Variants in PTPRO observed in about 807,000 individuals in gnomAD.
PTPRO encodes the protein receptor-type tyrosine-protein phosphatase O.
PTPRO carries 62 observed loss-of-function variants against 145.2 expected under a neutral mutation model. The ratio of observed to expected loss-of-function variants is 0.43; its 90% CI spans 0.35 to 0.53. The LOEUF (loss-of-function observed/expected upper bound fraction) is 0.53. Ranked by LOEUF, PTPRO falls within the 20% of genes least tolerant of loss-of-function variation. The pLI, the probability that PTPRO is intolerant of heterozygous loss-of-function variation, is 0.01. For missense variants in PTPRO, 1,345 were observed against 1,482.7 expected (o/e 0.91, Z 1.53); for synonymous variants, 565 against 514.7 (o/e 1.10, Z -1.32).
chr12:15,581,675 C>G lies in PTPRO; in HGVS notation c.3133-4C>G, dbSNP rs746300400. The G allele has an allele frequency of 6.2e-6, 10 of 1,613,864 alleles. No individual in the cohort carries two copies. The highest frequency in any genetic ancestry group is 2.2e-5 in the East Asian group (1 of 44,850). The stretch of plus-strand genomic sequence containing the variant: ...TTTAAAAAATTGTTTTGTCCTTGCT[C>G]CAGGTGAAATGTGACCATTACTGGC... On this transcript the variant is annotated splice_region_variant and splice_polypyrimidine_tract_variant and intron_variant, in intron 22 of 26. Coordinates refer to ENST00000281171, the MANE Select transcript of PTPRO (RefSeq NM_030667.3).
chr12:15,569,552 G>T (rs2135605713), intron 19 of PTPRO, 54 bp downstream of exon 19: 1 of 1,490,380 alleles, frequency 6.7e-7, no homozygotes, highest in Non-Finnish European at 9.4e-7. Context: ...CCTGGGAATT[G>T]GGGGGTTTGT....
chr12:15,347,864 CAAAT>C (rs1268752649), intron 1 of PTPRO, among the ~76,000 whole-genome samples: 1 of 152,102 alleles, frequency 6.6e-6, no homozygotes, highest in African/African-American at 2.4e-5. Context: ...AAAGTTATGA[CAAAT>C]AAATCAGATG....
At chr12:15,556,655 AT>A (rs1254031253) in intron 15 of PTPRO, among the ~76,000 whole-genome samples, 4 of 152,174 alleles carry the variant, frequency 2.6e-5, no homozygotes, top group African/African-American at 9.7e-5. Flanking sequence ...GCATCACAAT[AT>A]AAGAGAAAGA....
intron 23 of PTPRO, among the ~76,000 whole-genome samples, chr12:15,585,023 C>T (rs1267061271): frequency 6.6e-6 from 1 of 152,176 alleles, no homozygotes; most frequent in Non-Finnish European, 1.5e-5. Flanking sequence ...GGACTTTGTG[C>T]CCTGCTATTC....
At chr12:15,354,701 G>C (rs1045574699) in intron 1 of PTPRO, among the ~76,000 whole-genome samples, 1 of 152,118 alleles carries the variant, frequency 6.6e-6, no homozygotes, top group Non-Finnish European at 1.5e-5. Context: ...AAAAAGGTTT[G>C]TTATATGGTA....
chr12:15,546,364 G>T, intron 12 of PTPRO: 2 of 1,406,702 alleles, frequency 1.4e-6, no homozygotes, highest in Non-Finnish European at 9.2e-7. Flanking sequence ...GTAAAAAAAT[G>T]GAAGGGGGAA....
chr12:15,438,486 C>G (rs954947247), intron 1 of PTPRO, among the ~76,000 whole-genome samples: 2 of 151,790 alleles, frequency 1.3e-5, no homozygotes, highest in African/African-American at 4.8e-5. Context: ...AGGAAATGAA[C>G]AAAAAGATAA....
chr12:15,524,351 C>T (rs1942792837), intron 10 of PTPRO, among the ~76,000 whole-genome samples: 1 of 152,084 alleles, frequency 6.6e-6, no homozygotes. Context: ...TCTTCCTACC[C>T]TTGTATCCTA....
chr12:15,553,580 A>C (rs540974881), intron 15 of PTPRO, among the ~76,000 whole-genome samples: 5 of 152,320 alleles, frequency 3.3e-5, no homozygotes, highest in African/African-American at 1.2e-4. Context: ...CAAGAGTAGA[A>C]GGAGATGTCA....
At chr12:15,351,969 G>A (rs1937817337) in intron 1 of PTPRO, among the ~76,000 whole-genome samples, 1 of 152,144 alleles carries the variant, frequency 6.6e-6, no homozygotes, top group African/African-American at 2.4e-5. Flanking sequence ...CAAGAAGATA[G>A]GCAGGAAGAT....
intron 1 of PTPRO, among the ~76,000 whole-genome samples, chr12:15,424,913 T>C (rs1353770956): frequency 1.3e-5 from 2 of 152,138 alleles, no homozygotes; most frequent in Non-Finnish European, 2.9e-5. Flanking sequence ...CCATCTCATC[T>C]GGGAGAAAGA....
At chr12:15,432,231 C>T (rs2136343034) in intron 1 of PTPRO, among the ~76,000 whole-genome samples, 1 of 152,284 alleles carries the variant, frequency 6.6e-6, no homozygotes, top group Middle Eastern at 3.4e-3. Flanking sequence ...TTAGCCCCCA[C>T]TTGTAAGTGA....
intron 2 of PTPRO, among the ~76,000 whole-genome samples, chr12:15,492,130 A>G (rs1222551959): frequency 6.6e-6 from 1 of 152,148 alleles, no homozygotes; most frequent in Non-Finnish European, 1.5e-5. Context: ...CTTGCTGTAG[A>G]CTGGGTGCTT....
intron 14 of PTPRO, 97 bp downstream of exon 14, chr12:15,549,323 C>T (rs1398431128): frequency 2.9e-5 from 30 of 1,046,588 alleles, no homozygotes; most frequent in Admixed American, 7.4e-5. Context: ...TCCCAAGCTT[C>T]GGAGTCAGAG....
intron 1 of PTPRO, among the ~76,000 whole-genome samples, chr12:15,403,638 C>T (rs1228853540): frequency 6.6e-6 from 1 of 152,124 alleles, no homozygotes; most frequent in Non-Finnish European, 1.5e-5. Flanking sequence ...TTAATTATCC[C>T]CTGTTTGGTG....
At chr12:15,491,205 G>A (rs1941992651) in intron 2 of PTPRO, among the ~76,000 whole-genome samples, 1 of 152,174 alleles carries the variant, frequency 6.6e-6, no homozygotes, top group Non-Finnish European at 1.5e-5. Context: ...TCTAATCCCA[G>A]ATCCTCTCCC....
chr12:15,581,924 A>T, intron 23 of PTPRO, 123 bp downstream of exon 23: 1 of 1,300,256 alleles, frequency 7.7e-7, no homozygotes, highest in African/African-American at 1.5e-5. Flanking sequence ...AAAAATATCG[A>T]GTGTGGAGTG....
At position 15,594,990 on chromosome 12, in the gene PTPRO, G is replaced by T; in HGVS notation, c.3600G>T (p.Lys1200Asn). Residue 1200 changes from lysine to asparagine, a missense_variant, in exon 26 of 27, where the codon AAG becomes AAT. Physicochemically the swap from Lys to Asn is moderately conservative, Grantham distance 94. This residue lies in a region of PTPRO where 208 missense variants were observed against 242.8 expected (regional missense o/e 0.86). Coordinates refer to ENST00000281171, the MANE Select transcript of PTPRO (RefSeq NM_030667.3). ...QCVQLMWMKKKQQFCISDVIY... is the reference protein window; with the variant it reads ...QCVQLMWMKKNQQFCISDVIY... Reference sequence around the variant, plus strand: ...TGCAACTGATGTGGATGAAGAAGAAGCAGCAGTTCTGCATCAGTGATGTCA... The same window carrying T: ...TGCAACTGATGTGGATGAAGAAGAATCAGCAGTTCTGCATCAGTGATGTCA... 1.2e-6 allele frequency: 2 copies of T among 1,613,920 alleles called. No individual in the cohort carries two copies. Among genetic ancestry groups the T allele is most frequent in the Non-Finnish European group, 1.7e-6 (2 of 1,179,880 alleles).
Position 15,516,772 on chromosome 12 carries a change from G to T in PTPRO, c.1595G>T (p.Gly532Val). ...GCCCTCTTCTTTCTAGTTCCCACAG[G>T]AATAAAGGATTTAATGCTCTATCCT... ...DPVTFAIVPTGIKDLMLYPLG... is the reference protein window; with the variant it reads ...DPVTFAIVPTVIKDLMLYPLG... Residue 532 changes from glycine (G) to valine (V), a missense_variant, in exon 9 of 27, where the codon GGA (glycine) becomes GTA (valine). This residue lies in a region of PTPRO where 1,130 missense variants were observed against 1,214.7 expected (regional missense o/e 0.93). Transcript: ENST00000281171. The T allele has an allele frequency of 6.2e-7, 1 of 1,607,442 alleles. No individual in the cohort carries two copies. The highest frequency in any genetic ancestry group is 8.5e-7 in the Non-Finnish European group (1 of 1,173,942).
Sources: allele counts gnomAD v4.1 joint callset (sites outside exome capture counted in the v4.1 genomes callset), GRCh38; gene constraint gnomAD v4.1.1; regional missense constraint gnomAD v4.1.1; transcripts MANE v1.5; gene names NCBI Gene and HGNC (gene_info 2026-07-23, HGNC 2026-07-21).